Variants in SLC16A12 observed in about 807,000 individuals in gnomAD.
The protein encoded by SLC16A12 is solute carrier family 16 member 12.
A neutral mutation model predicts 42.4 loss-of-function variants in SLC16A12; 17 were observed. The ratio of observed to expected loss-of-function variants is 0.40; its 90% CI spans 0.27 to 0.60. SLC16A12 has a LOEUF of 0.60. Ranked by LOEUF, SLC16A12 falls within the 20% of genes least tolerant of loss-of-function variation. The pLI, the probability that SLC16A12 is intolerant of heterozygous loss-of-function variation, is 0.42. For synonymous variants in SLC16A12, 224 were observed against 229.4 expected, an observed-to-expected ratio of 0.98 and a Z score of 0.21; for missense variants, 544 against 623.0, an observed-to-expected ratio of 0.87 and a Z score of 1.35.
At chr10:89,532,181 A>T (rs932034126) in intron 2 of SLC16A12, among the ~76,000 whole-genome samples, 1 of 152,238 alleles carries the variant, frequency 6.6e-6, no homozygotes, top group African/African-American at 2.4e-5. Context: ...TAAATAATTA[A>T]TTAATTTCAT....
chr10:89,489,395 A>G (rs1403869506), intron 2 of SLC16A12, among the ~76,000 whole-genome samples: 1 of 152,022 alleles, frequency 6.6e-6, no homozygotes, highest in East Asian at 1.9e-4. Flanking sequence ...GCTGGAGTGC[A>G]ATGGCGAGAT....
At chr10:89,530,790 C>T (rs1843538753) in intron 2 of SLC16A12, among the ~76,000 whole-genome samples, 1 of 152,110 alleles carries the variant, frequency 6.6e-6, no homozygotes, top group Admixed American at 6.5e-5. Flanking sequence ...TAGCCGTCAC[C>T]CCAAAAAGGA....
At chr10:89,447,962 C>T (rs988168149) in intron 3 of SLC16A12, among the ~76,000 whole-genome samples, 1 of 152,158 alleles carries the variant, frequency 6.6e-6, no homozygotes, top group Admixed American at 6.5e-5. Flanking sequence ...ATACAAACTA[C>T]CATCAGAGAA....
At chr10:89,527,683 T>G (rs980859772) in intron 2 of SLC16A12, among the ~76,000 whole-genome samples, 1 of 151,794 alleles carries the variant, frequency 6.6e-6, no homozygotes, top group Admixed American at 6.6e-5. Flanking sequence ...GGTGCCCACC[T>G]GTAGTTCCAG....
chr10:89,441,329 A>T, intron 4 of SLC16A12, 78 bp from the exon 5 acceptor site: 3 of 1,578,824 alleles, frequency 1.9e-6, no homozygotes, highest in Non-Finnish European at 2.6e-6. Context: ...GCATTGACAG[A>T]GGAGAGAACC....
intron 2 of SLC16A12, among the ~76,000 whole-genome samples, chr10:89,499,084 A>G (rs1842961341): frequency 6.6e-6 from 1 of 152,162 alleles, no homozygotes; most frequent in African/African-American, 2.4e-5. Flanking sequence ...ACATCCCCCA[A>G]AAAATCACAC....
At position 89,432,559 on chromosome 10, in the gene SLC16A12, A is replaced by T. The variant is rs1679495707; in HGVS notation, c.*505T>A. 1.3e-5 allele frequency: 2 copies of T among 153,300 alleles called. No homozygotes were observed. The highest frequency in any genetic ancestry group is 1.3e-4 in the Admixed American group (2 of 15,402). The allele number at this position is 153,300 out of a possible 1,614,324, so 9.5% of individuals were successfully genotyped here. On this transcript the variant is annotated 3_prime_UTR_variant, in exon 8 of 8. Transcript: ENST00000371790. ...CTTTAACAATCCCAAGTAAAACCCT[A>T]ATGAGAAACTCCACCATGAAAAAGT... is the stretch of plus-strand genomic sequence containing the variant.
At chr10:89,521,994 C>T (rs549103872) in intron 2 of SLC16A12, among the ~76,000 whole-genome samples, 8 of 152,312 alleles carry the variant, frequency 5.3e-5, no homozygotes, top group Middle Eastern at 3.4e-3. Context: ...TCCAGACCGT[C>T]CTTAGGACTA....
intron 2 of SLC16A12, among the ~76,000 whole-genome samples, chr10:89,542,637 C>T (rs1026768463): frequency 6.6e-6 from 1 of 152,132 alleles, no homozygotes; most frequent in Non-Finnish European, 1.5e-5. Flanking sequence ...ATCTCCCTAT[C>T]TATTGTCACT....
rs34204051 is a variant in SLC16A12 at position 89,477,564 on chromosome 10, CAAAAAAAAAAAAAA to C, written c.-46-14954_-46-14941del. The stretch of plus-strand genomic sequence containing the variant: ...GGGCAACAAGAGCAAAACTCTGTCT[CAAAAAAAAAAAAAA>C]AAAAAAAAAAAGATGTCCTTAGCCA... On this transcript the variant is annotated intron_variant, in intron 2 of 7. Coordinates refer to ENST00000371790, the MANE Select transcript of SLC16A12 (RefSeq NM_213606.4). Among the ~76,000 whole-genome samples the C allele has an allele frequency of 4.7e-4, 23 of 49,262 alleles. 1 individual carries two copies. The South Asian group carries it at 5.8e-3, about 12-fold the overall frequency. 32.3% of individuals were successfully genotyped at this position (49,262 alleles called of 152,430 possible). A position where few individuals can be genotyped will look rare whatever the true frequency, so the allele number is the denominator to read the frequency against.
intron 3 of SLC16A12, among the ~76,000 whole-genome samples, chr10:89,453,534 G>A (rs1317912042): frequency 1.3e-5 from 2 of 151,980 alleles, no homozygotes; most frequent in African/African-American, 4.8e-5. Flanking sequence ...ACTTACCATT[G>A]TGTTACAATT....
At chr10:89,438,308 C>T (rs920511916) in intron 6 of SLC16A12, among the ~76,000 whole-genome samples, 8 of 152,212 alleles carry the variant, frequency 5.3e-5, no homozygotes, top group East Asian at 1.9e-4. Context: ...CTTATTGGAA[C>T]GTAGCCACTC....
rs753072442 is a variant in SLC16A12 at position 89,443,822 on chromosome 10, A to G, written c.238T>C (p.Phe80Leu). Residue 80 changes from phenylalanine to leucine, a missense_variant, in exon 4 of 8, where the codon TTC becomes CTC. Phe to Leu is a conservative substitution (Grantham distance 22). Coordinates refer to ENST00000371790, the MANE Select transcript of SLC16A12 (RefSeq NM_213606.4). ...GCCGTTTGTGCGTAATCCTGAGTGA[A>G]GTATGTCTGGAACTCCACAAAAAAA... ...SIFFVEFQTYFTQDYAQTAWI... is the reference protein window; with the variant it reads ...SIFFVEFQTYLTQDYAQTAWI... The G allele has an allele frequency of 6.2e-7, 1 of 1,613,860 alleles. No individual in the cohort carries two copies. The highest frequency in any genetic ancestry group is 8.5e-7 in the Non-Finnish European group (1 of 1,179,734).
intron 2 of SLC16A12, among the ~76,000 whole-genome samples, chr10:89,542,221 AATT>A (rs1173563982): frequency 5.9e-5 from 9 of 152,170 alleles, no homozygotes; most frequent in African/African-American, 1.9e-4. Flanking sequence ...TATTGTTATG[AATT>A]ATTATTATAT....
chr10:89,515,125 AAAAC>A lies in SLC16A12; in HGVS notation c.-47+19372_-47+19375del, dbSNP rs1332016569. On this transcript the variant is annotated intron_variant, in intron 2 of 7. Transcript: ENST00000371790. ...GAAGCAAAACAAAACAAAACAAAAC[AAAAC>A]AAAAAAAAAAGAAAAGAAAAGCGGC... 1.3e-3 allele frequency among the ~76,000 whole-genome samples: 198 copies of A among 147,662 alleles called. 1 individual carries two copies. Among genetic ancestry groups the A allele is most frequent in the African/African-American group, 2.1e-3 (85 of 39,796 alleles).
At chr10:89,497,755 C>G (rs303182) in intron 2 of SLC16A12, among the ~76,000 whole-genome samples, 73,970 of 151,550 alleles carry the variant, frequency 0.49, 18,428 homozygotes, top group Non-Finnish European at 0.55. Context: ...AAAAACCCAA[C>G]ATGATTTCAT....
chr10:89,470,515 A>G (rs1446889234), intron 2 of SLC16A12, among the ~76,000 whole-genome samples: 1 of 152,252 alleles, frequency 6.6e-6, no homozygotes, highest in African/African-American at 2.4e-5. Context: ...TAGGTGGCAC[A>G]GAAGTGATGG....
intron 2 of SLC16A12, among the ~76,000 whole-genome samples, chr10:89,481,643 T>TCG (rs1554829309): frequency 5.3e-4 from 77 of 144,118 alleles, no homozygotes; most frequent in African/African-American, 1.9e-3. Context: ...TTTTTTTTTC[T>TCG]TGTGTGTGTG....
intron 2 of SLC16A12, among the ~76,000 whole-genome samples, chr10:89,521,909 T>C (rs1843364387): frequency 1.3e-5 from 2 of 152,256 alleles, no homozygotes; most frequent in Admixed American, 6.5e-5. Context: ...GTGGTCTTTA[T>C]TGTATGCCGG....
Sources: allele counts gnomAD v4.1 joint callset (sites outside exome capture counted in the v4.1 genomes callset), GRCh38; gene constraint gnomAD v4.1.1; transcripts MANE v1.5; gene names NCBI Gene and HGNC (gene_info 2026-07-23, HGNC 2026-07-21).